Variants in ZBTB38 observed in about 807,000 individuals in gnomAD.
ZBTB38 encodes zinc finger and BTB domain containing 38, also known as zinc finger and BTB domain-containing protein 38.
A neutral mutation model predicts 76.8 loss-of-function variants in ZBTB38; 20 were observed. The observed-to-expected ratio is 0.26, with a 90% CI of 0.18 to 0.38. The LOEUF is 0.38. Among genes scored for constraint, ZBTB38 ranks in the 10% least tolerant of loss-of-function variants. ZBTB38 has a pLI of 1.00. For missense variants in ZBTB38, 1,082 were observed against 1,482.3 expected, an observed-to-expected ratio of 0.73 and a Z score of 4.43; for synonymous variants, 504 against 544.2, an observed-to-expected ratio of 0.93 and a Z score of 1.03.
intron 1 of ZBTB38, among the ~76,000 whole-genome samples, chr3:141,331,985 G>A (rs949100909): frequency 3.9e-5 from 6 of 152,186 alleles, no homozygotes; most frequent in South Asian, 2.1e-4. Flanking sequence ...TCTGGAAGAC[G>A]TGTGACCCTT....
upstream of ZBTB38, chr3:141,367,284 C>G (rs560650631): frequency 5.9e-5 from 9 of 152,296 alleles, no homozygotes; most frequent in Non-Finnish European, 1.0e-4. Context: ...CCCCGTGGCT[C>G]TCGGATTTTG....
chr3:141,348,995 A>G (rs183827469), intron 1 of ZBTB38, among the ~76,000 whole-genome samples: 71 of 152,344 alleles, frequency 4.7e-4, no homozygotes, highest in Middle Eastern at 3.4e-3. Flanking sequence ...TTTGCAATGC[A>G]AAATCTAAGA....
At chr3:141,362,693 A>G (rs2148962556) in intron 1 of ZBTB38, among the ~76,000 whole-genome samples, 1 of 152,232 alleles carries the variant, frequency 6.6e-6, no homozygotes, top group East Asian at 1.9e-4. Context: ...AGGACTGGAG[A>G]AAAGATTTCA....
intron 2 of ZBTB38, among the ~76,000 whole-genome samples, chr3:141,374,853 C>T (rs1475554622): frequency 1.3e-5 from 2 of 152,058 alleles, no homozygotes; most frequent in Non-Finnish European, 2.9e-5. Context: ...GTTTCTAATG[C>T]ATATTGGTGA....
chr3:141,412,601 C>G (rs1371070670), intron 5 of ZBTB38, among the ~76,000 whole-genome samples: 3 of 151,922 alleles, frequency 2.0e-5, no homozygotes, highest in Non-Finnish European at 2.9e-5. Flanking sequence ...ATGTAGACAA[C>G]TTATTTACCA....
At chr3:141,328,827 C>T (rs770974326) in intron 1 of ZBTB38, among the ~76,000 whole-genome samples, 7 of 152,148 alleles carry the variant, frequency 4.6e-5, no homozygotes, top group East Asian at 3.9e-4. Context: ...TGTTCCCAAA[C>T]GCACCTTCTG....
intron 4 of ZBTB38, chr3:141,388,022 T>C (rs760857770): frequency 6.6e-6 from 1 of 152,230 alleles, no homozygotes; most frequent in Non-Finnish European, 1.5e-5. Context: ...GGGTTTTTAA[T>C]TGGACAGCCT....
intron 4 of ZBTB38, chr3:141,388,797 T>A (rs1947915178): frequency 6.6e-6 from 1 of 152,224 alleles, no homozygotes; most frequent in African/African-American, 2.4e-5. Context: ...AATTAAGCCA[T>A]GTTTCTAAAC....
chr3:141,431,341 A>AAAAAAAAATAT, intron 5 of ZBTB38, among the ~76,000 whole-genome samples: 1 of 103,292 alleles, frequency 9.7e-6, no homozygotes, highest in African/African-American at 6.0e-5. Flanking sequence ...AAAAAAAAAA[A>AAAAAAAAATAT]ATATATATAT....
chr3:141,325,549 G>T (rs1444708286), intron 1 of ZBTB38, among the ~76,000 whole-genome samples: 3 of 152,170 alleles, frequency 2.0e-5, no homozygotes, highest in African/African-American at 4.8e-5. Context: ...AGTTCTCAAG[G>T]TTAGGAAAAG....
At chr3:141,392,058 C>T (rs1439130494) in intron 4 of ZBTB38, among the ~76,000 whole-genome samples, 3 of 152,212 alleles carry the variant, frequency 2.0e-5, no homozygotes, top group African/African-American at 7.2e-5. Context: ...GAGTTAGAAA[C>T]TATAAGGCTC....
chr3:141,437,787 A>T (rs1577466262), intron 5 of ZBTB38, among the ~76,000 whole-genome samples: 1 of 152,220 alleles, frequency 6.6e-6, no homozygotes, highest in East Asian at 1.9e-4. Context: ...AATACCTCCC[A>T]GGTGATTTTG....
At chr3:141,391,216 G>A (rs1948774238) in intron 4 of ZBTB38, among the ~76,000 whole-genome samples, 1 of 152,124 alleles carries the variant, frequency 6.6e-6, no homozygotes, top group Non-Finnish European at 1.5e-5. Context: ...TGGTTCTAGG[G>A]AGGAGAGCCA....
At chr3:141,426,531 C>CG (rs2076427081) in intron 5 of ZBTB38, among the ~76,000 whole-genome samples, 1 of 151,886 alleles carries the variant, frequency 6.6e-6, no homozygotes, top group Non-Finnish European at 1.5e-5. Context: ...GAGAGGAGGC[C>CG]GGGGGAGGGA....
intron 4 of ZBTB38, among the ~76,000 whole-genome samples, chr3:141,399,125 TC>T (rs1372399767): frequency 1.8e-5 from 2 of 112,550 alleles, no homozygotes; most frequent in African/African-American, 1.1e-4. Flanking sequence ...AGATTTATAT[TC>T]CTTTTTTTTT....
At chr3:141,327,691 A>G (rs1942714533) in intron 1 of ZBTB38, among the ~76,000 whole-genome samples, 1 of 152,212 alleles carries the variant, frequency 6.6e-6, no homozygotes, top group South Asian at 2.1e-4. Flanking sequence ...AGTTAATGAT[A>G]CTATATCTGT....
At chr3:141,416,883 A>G (rs1202833685) in intron 5 of ZBTB38, among the ~76,000 whole-genome samples, 1 of 152,182 alleles carries the variant, frequency 6.6e-6, no homozygotes, top group Non-Finnish European at 1.5e-5. Flanking sequence ...TGCAGCCCTC[A>G]CAGAGAGCAC....
chr3:141,372,775 G>A (rs1245445751), intron 2 of ZBTB38, among the ~76,000 whole-genome samples: 1 of 152,156 alleles, frequency 6.6e-6, no homozygotes. Flanking sequence ...GGGATGATGT[G>A]TTGCTGGAAG....
chr3:141,361,017 TCCTC>T (rs1943808748), intron 1 of ZBTB38, among the ~76,000 whole-genome samples: 1 of 152,152 alleles, frequency 6.6e-6, no homozygotes, highest in Admixed American at 6.5e-5. Flanking sequence ...GAAGCTATTT[TCCTC>T]CAGAGCCACT....
Sources: allele counts gnomAD v4.1 joint callset (sites outside exome capture counted in the v4.1 genomes callset), GRCh38; gene constraint gnomAD v4.1.1; transcripts MANE v1.5; gene names NCBI Gene and HGNC (gene_info 2026-07-23, HGNC 2026-07-21).